The following TP63 variants were observed in gnomAD, a reference collection of about 807,000 sequenced individuals.
TP63 encodes the protein tumor protein 63.
In TP63, 17 loss-of-function variants were observed where a neutral mutation model predicts 82.8. That is an observed-to-expected ratio of 0.21 (90% CI 0.14 to 0.31). TP63 has a LOEUF of 0.31. TP63 is among the 10% of genes least tolerant of loss of function. The pLI, the probability that TP63 is intolerant of heterozygous loss-of-function variation, is 1.00. For missense variants in TP63, 648 were observed against 895.3 expected, an observed-to-expected ratio of 0.72 and a Z score of 3.52; for synonymous variants, 330 against 321.7, an observed-to-expected ratio of 1.03 and a Z score of -0.28.
intron 3 of TP63, among the ~76,000 whole-genome samples, chr3:189,763,380 A>G (rs547689383): frequency 4.6e-5 from 7 of 152,326 alleles, no homozygotes; most frequent in African/African-American, 1.7e-4. Context: ...TATATTTTTC[A>G]TCACGCAGCT....
At chr3:189,639,078 A>C (rs1350824109) in intron 1 of TP63, among the ~76,000 whole-genome samples, 1 of 152,200 alleles carries the variant, frequency 6.6e-6, no homozygotes, top group Non-Finnish European at 1.5e-5. Flanking sequence ...AAGAGAGCCA[A>C]GTTTCTGATT....
At chr3:189,814,079 C>T (rs1425509714) in intron 4 of TP63, among the ~76,000 whole-genome samples, 2 of 152,188 alleles carry the variant, frequency 1.3e-5, no homozygotes, top group East Asian at 1.9e-4. Context: ...GTCTTGGTCT[C>T]GCAAGCTCAC....
chr3:189,609,818 T>A, the TP63 span, among the ~76,000 whole-genome samples: 8 of 152,240 alleles, frequency 5.3e-5, no homozygotes, highest in Admixed American at 1.3e-4. Context: ...TCTTTGCTAT[T>A]GTGAATAGTG....
intron 13 of TP63, among the ~76,000 whole-genome samples, chr3:189,893,237 A>G (rs4687100): frequency 0.24 from 36,724 of 152,168 alleles, 4,572 homozygotes; most frequent in Non-Finnish European, 0.27. Flanking sequence ...CTATGAGTCT[A>G]TAGCATCTTT....
chr3:189,789,606 C>G, intron 3 of TP63: 1 of 1,286,302 alleles, frequency 7.8e-7, no homozygotes, highest in Non-Finnish European at 9.9e-7. Context: ...GAGAAGAGTC[C>G]CGCCTCCTCA....
chr3:189,824,725 CCA>C (rs1252881663), intron 4 of TP63, among the ~76,000 whole-genome samples: 1 of 151,974 alleles, frequency 6.6e-6, no homozygotes, highest in African/African-American at 2.4e-5. Context: ...TCTTAAAGCA[CCA>C]GGGAGGGAGA....
rs192879052 is a variant in TP63 at position 189,894,881 on chromosome 3, T to A, written c.*379T>A. On this transcript the variant is annotated 3_prime_UTR_variant, in exon 14 of 14. Coordinates refer to ENST00000264731, the MANE Select transcript of TP63 (RefSeq NM_003722.5). ...AGTATAGATTTTTGGGTGGGGGGCA[T>A]TGAGTATTGTTTAAAATGTAATTTA... 6.0e-5 allele frequency: 14 copies of A among 231,634 alleles called. No individual in the cohort carries two copies. The highest frequency in any genetic ancestry group is 3.1e-4 in the Admixed American group (6 of 19,236). 14.3% of individuals were successfully genotyped at this position (231,634 alleles called of 1,614,324 possible).
chr3:189,760,861 G>T (rs1056348565), intron 3 of TP63, among the ~76,000 whole-genome samples: 3 of 152,186 alleles, frequency 2.0e-5, no homozygotes, highest in African/African-American at 7.2e-5. Context: ...CTAGGTGGAG[G>T]TTCTCAAACC....
At chr3:189,713,284 C>T (rs1199515785) in intron 1 of TP63, among the ~76,000 whole-genome samples, 1 of 152,168 alleles carries the variant, frequency 6.6e-6, no homozygotes, top group Middle Eastern at 3.2e-3. Context: ...GGACAAACTA[C>T]TAACTTGTTT....
the TP63 span, among the ~76,000 whole-genome samples, chr3:189,601,572 T>C: frequency 8.1e-6 from 1 of 122,930 alleles, no homozygotes; most frequent in Non-Finnish European, 1.9e-5. Context: ...CTCATTTTCT[T>C]GGATTACTAT....
intron 1 of TP63, among the ~76,000 whole-genome samples, chr3:189,651,853 G>A (rs1327677954): frequency 1.4e-5 from 2 of 147,208 alleles, no homozygotes; most frequent in African/African-American, 5.1e-5. Flanking sequence ...AGGGGAAAAG[G>A]TACAGCTAAG....
At chr3:189,868,145 A>G (rs1403862068) in intron 7 of TP63, among the ~76,000 whole-genome samples, 1 of 152,236 alleles carries the variant, frequency 6.6e-6, no homozygotes, top group Non-Finnish European at 1.5e-5. Context: ...AAGGAAAAAA[A>G]GAGCTAGAAA....
intron 1 of TP63, among the ~76,000 whole-genome samples, chr3:189,642,519 A>G (rs1198373223): frequency 6.6e-6 from 1 of 152,114 alleles, no homozygotes; most frequent in Non-Finnish European, 1.5e-5. Flanking sequence ...GGCAAATGTT[A>G]TACCTCCTAA....
At chr3:189,616,616 G>A in the TP63 span, among the ~76,000 whole-genome samples, 1 of 152,184 alleles carries the variant, frequency 6.6e-6, no homozygotes, top group African/African-American at 2.4e-5. Flanking sequence ...ATGCAGCTAA[G>A]TTCTGGTCCT....
At chr3:189,759,066 A>C (rs553370199) in intron 3 of TP63, among the ~76,000 whole-genome samples, 12 of 152,354 alleles carry the variant, frequency 7.9e-5, no homozygotes, top group African/African-American at 2.9e-4. Context: ...GCAGTTGAGC[A>C]CACCAATATA....
intron 2 of TP63, 25 bp downstream of exon 2, chr3:189,737,893 G>GT: frequency 6.2e-7 from 1 of 1,613,356 alleles, no homozygotes; most frequent in Non-Finnish European, 8.5e-7. Context: ...AGCAAGAAAT[G>GT]TTTTGCTTGA....
chr3:189,885,810 C>T (rs889007952), intron 10 of TP63, among the ~76,000 whole-genome samples: 1 of 152,132 alleles, frequency 6.6e-6, no homozygotes, highest in African/African-American at 2.4e-5. Context: ...CCAGTAGGTT[C>T]TCTCATACAT....
At chr3:189,637,704 G>A (rs1363306513) in intron 1 of TP63, among the ~76,000 whole-genome samples, 1 of 152,078 alleles carries the variant, frequency 6.6e-6, no homozygotes, top group Non-Finnish European at 1.5e-5. Context: ...GACCTACCTG[G>A]GAGGTAGGCA....
At position 189,808,326 on chromosome 3, in the gene TP63, G is replaced by A. The variant is rs375508394; in HGVS notation, c.379G>A (p.Gly127Ser). ...CAGCATGGACCAGCAGATTCAGAAC[G>A]GCTCCTCGTCCACCAGTCCCTATAA... ...LNSMDQQIQN[G>S]SSSTSPYNTD... is the part of the protein sequence containing the mutation. Residue 127 changes from glycine (G) to serine (S), a missense_variant, in exon 4 of 14, where the codon GGC becomes AGC. Coordinates refer to ENST00000264731, the MANE Select transcript of TP63 (RefSeq NM_003722.5). The A allele has an allele frequency of 7.2e-5, 117 of 1,614,016 alleles. No individual in the cohort carries two copies. The highest frequency in any genetic ancestry group is 9.7e-5 in the Non-Finnish European group (115 of 1,180,026).
Sources: allele counts gnomAD v4.1 joint callset (sites outside exome capture counted in the v4.1 genomes callset), GRCh38; gene constraint gnomAD v4.1.1; transcripts MANE v1.5; gene names NCBI Gene and HGNC (gene_info 2026-07-23, HGNC 2026-07-21).